Variants in RNF170 observed in about 807,000 individuals in gnomAD.
RNF170 encodes the protein E3 ubiquitin-protein ligase RNF170.
In RNF170, 12 loss-of-function variants were observed where a neutral mutation model predicts 32.7. The ratio of observed to expected loss-of-function variants is 0.37; its 90% CI spans 0.24 to 0.60. The LOEUF (loss-of-function observed/expected upper bound fraction) is 0.60, where lower values mean the gene tolerates loss of function less well. RNF170 is among the 20% of genes least tolerant of loss of function. The pLI is 0.72. For synonymous variants in RNF170, 91 were observed against 103.6 expected, an observed-to-expected ratio of 0.88 and a Z score of 0.74; for missense variants, 212 against 311.2, an observed-to-expected ratio of 0.68 and a Z score of 2.40.
chr8:42,855,873 T>G lies in RNF170; in HGVS notation c.*286A>C. 8.3e-7 allele frequency: 1 copy of G among 1,200,462 alleles called. No homozygotes were observed. The highest frequency in any genetic ancestry group is 1.1e-6 in the Non-Finnish European group (1 of 921,970). The allele number at this position is 1,200,462 out of a possible 1,614,324, so 74.4% of individuals were successfully genotyped here. The stretch of plus-strand genomic sequence containing the variant: ...TAATTCTGGGGAAAAGAAAAATATA[T>G]AAAAGCATCCCTTTTTATATAATTC... On this transcript the variant is annotated 3_prime_UTR_variant, in exon 7 of 7. Transcript: ENST00000527424.
At chr8:42,892,437 T>C (rs1029785194) in intron 1 of RNF170, among the ~76,000 whole-genome samples, 16 of 152,172 alleles carry the variant, frequency 1.1e-4, no homozygotes, top group African/African-American at 3.6e-4. Context: ...AGTGCTAGGA[T>C]TATAGGCGTG....
intron 2 of RNF170, among the ~76,000 whole-genome samples, chr8:42,877,877 G>A (rs897531513): frequency 2.0e-5 from 3 of 152,204 alleles, no homozygotes; most frequent in African/African-American, 4.8e-5. Context: ...TCATATACAG[G>A]AAATCCTGAT....
intron 1 of RNF170, among the ~76,000 whole-genome samples, chr8:42,888,359 C>A (rs1280826731): frequency 6.6e-6 from 1 of 151,916 alleles, no homozygotes. Flanking sequence ...CCACTGCACC[C>A]AGCCAAATTC....
Position 42,855,583 on chromosome 8 carries a change from G to A in RNF170, c.*576C>T, listed in dbSNP as rs1334818698. ...CTAGAATATGATATCGAAGTATGAA[G>A]TTCAAGTTTCTTCTTTCAGTTTCAG... On this transcript the variant is annotated 3_prime_UTR_variant, in exon 7 of 7. Transcript: ENST00000527424. 2 of 1,274,892 alleles carry A rather than the reference G, an allele frequency of 1.6e-6. No individual in the cohort carries two copies. Among genetic ancestry groups the A allele is most frequent in the Non-Finnish European group, 1.0e-6 (1 of 977,456 alleles). 79.0% of individuals were successfully genotyped at this position (1,274,892 alleles called of 1,614,324 possible).
At position 42,881,024 on chromosome 8, in the gene RNF170, G is replaced by A. The variant is rs573845864; in HGVS notation, c.137+6704C>T. On this transcript the variant is annotated intron_variant, in intron 2 of 6. Transcript: ENST00000527424. ...GTGAACATAACTTTTATATGCACTA[G>A]GGAACCAAAAAATTCATATGACTCA... Among the ~76,000 whole-genome samples, 14 of 152,242 alleles carry A rather than the reference G, an allele frequency of 9.2e-5. 1 individual carries two copies. The South Asian group carries it at 2.9e-3, about 32-fold the overall frequency.
intron 5 of RNF170, among the ~76,000 whole-genome samples, chr8:42,863,819 A>T (rs1235437511): frequency 1.3e-5 from 2 of 152,202 alleles, no homozygotes; most frequent in African/African-American, 4.8e-5. Flanking sequence ...TTTCCTCCTG[A>T]CCATGTGGCC....
intron 2 of RNF170, among the ~76,000 whole-genome samples, chr8:42,885,758 TTTTTG>T (rs967323896): frequency 3.3e-5 from 5 of 152,192 alleles, no homozygotes; most frequent in Non-Finnish European, 5.9e-5. Flanking sequence ...TATTTTTATT[TTTTTG>T]TTTTGTTTTT....
intron 2 of RNF170, among the ~76,000 whole-genome samples, chr8:42,876,228 T>A (rs915524036): frequency 1.3e-5 from 2 of 149,562 alleles, no homozygotes; most frequent in East Asian, 3.9e-4. Flanking sequence ...ATATATATTT[T>A]AAAAATATAT....
chr8:42,857,493 C>T (rs1803328751), intron 6 of RNF170, among the ~76,000 whole-genome samples: 1 of 152,128 alleles, frequency 6.6e-6, no homozygotes, highest in Admixed American at 6.5e-5. Flanking sequence ...ATTTTGTTCA[C>T]TTGTAATACA....
chr8:42,862,586 G>A (rs376307344), intron 5 of RNF170, among the ~76,000 whole-genome samples: 5 of 152,232 alleles, frequency 3.3e-5, no homozygotes, highest in East Asian at 3.9e-4. Flanking sequence ...AGTGGTGGCC[G>A]ATTTAGTTTT....
chr8:42,867,379 G>C (rs1396016344), intron 4 of RNF170, among the ~76,000 whole-genome samples: 1 of 150,466 alleles, frequency 6.6e-6, no homozygotes, highest in East Asian at 2.0e-4. Context: ...GTTGATGCAG[G>C]AGAATTGCTT....
intron 4 of RNF170, among the ~76,000 whole-genome samples, chr8:42,866,925 T>C (rs1804128185): frequency 6.6e-6 from 1 of 152,226 alleles, no homozygotes; most frequent in Non-Finnish European, 1.5e-5. Flanking sequence ...CATCTTCAAC[T>C]ATCCAGGTCC....
At position 42,887,605 on chromosome 8, in the gene RNF170, G is replaced by A. The variant is rs919848782; in HGVS notation, c.137+123C>T. 3 of 911,356 alleles carry A rather than the reference G, an allele frequency of 3.3e-6. No individual in the cohort carries two copies. In the African/African-American group the frequency reaches 4.9e-5, roughly 15 times the overall value. 56.5% of individuals were successfully genotyped at this position (911,356 alleles called of 1,614,324 possible). On this transcript the variant is annotated intron_variant, in intron 2 of 6. Transcript: ENST00000527424. ...GCCCCGTGGAAAATAAAATACCTTAGTAAACATCTACAATCACTGAGATCT... is the reference window on the plus strand; with the variant it reads ...GCCCCGTGGAAAATAAAATACCTTAATAAACATCTACAATCACTGAGATCT...
At chr8:42,892,039 C>A (rs964196814) in intron 1 of RNF170, among the ~76,000 whole-genome samples, 1 of 152,226 alleles carries the variant, frequency 6.6e-6, no homozygotes, top group Non-Finnish European at 1.5e-5. Flanking sequence ...ACCACCCAGT[C>A]GCTCAGTTTC....
chr8:42,850,678 G>C, downstream of RNF170: 1 of 1,185,090 alleles, frequency 8.4e-7, no homozygotes, highest in South Asian at 1.4e-5. Context: ...GCTGTGCTGA[G>C]ATGTCTGAAT....
chr8:42,856,583 A>T (rs1237620701), intron 6 of RNF170, among the ~76,000 whole-genome samples, 155 bp from the exon 7 acceptor site: 1 of 152,228 alleles, frequency 6.6e-6, no homozygotes, highest in Non-Finnish European at 1.5e-5. Flanking sequence ...GTATTTAAAA[A>T]TAGCTCTTTG....
At chr8:42,863,980 A>AGT (rs71231874) in intron 5 of RNF170, among the ~76,000 whole-genome samples, 12,362 of 139,118 alleles carry the variant, frequency 0.089, 580 homozygotes, top group African/African-American at 0.13. Context: ...AGAGAGAGAG[A>AGT]GTGTGTGTGT....
chr8:42,869,913 G>C, intron 4 of RNF170, 91 bp downstream of exon 4: 1 of 876,560 alleles, frequency 1.1e-6, no homozygotes, highest in Non-Finnish European at 1.9e-6. Flanking sequence ...TACAAAATGT[G>C]ACAAAGAGAA....
At chr8:42,897,152 G>C (rs1481751261), upstream of RNF170, 1 of 1,248,112 alleles carries the variant, frequency 8.0e-7, no homozygotes, top group African/African-American at 1.6e-5. Context: ...TAGAGTCGCT[G>C]GAGCGGGCGG....
Sources: gnomAD v4.1 joint callset for allele counts (sites outside exome capture counted in the v4.1 genomes callset) on GRCh38, gnomAD v4.1.1 for gene constraint, MANE v1.5 for transcripts, NCBI Gene and HGNC (gene_info 2026-07-23, HGNC 2026-07-21) for gene names.